Variants in NNT observed in about 807,000 individuals in gnomAD.
The protein encoded by NNT is NAD(P) transhydrogenase, mitochondrial.
NNT carries 50 observed loss-of-function variants against 104.8 expected under a neutral mutation model. That is an observed-to-expected ratio of 0.48 (90% CI 0.38 to 0.60). The LOEUF is 0.60. Among genes scored for constraint, NNT ranks in the 20% least tolerant of loss-of-function variants. The pLI is 0.00. For synonymous variants in NNT, 461 were observed against 490.4 expected, an observed-to-expected ratio of 0.94 and a Z score of 0.79; for missense variants, 1,131 against 1,330.7, an observed-to-expected ratio of 0.85 and a Z score of 2.33.
At chr5:43,677,843 A>G in intron 19 of NNT, 37 bp downstream of exon 19, 1 of 1,505,604 alleles carries the variant, frequency 6.6e-7, no homozygotes, top group South Asian at 1.1e-5. Flanking sequence ...CACTATGTGT[A>G]AAGATGTGTG....
At chr5:43,687,423 C>T (rs540906148) in intron 19 of NNT, among the ~76,000 whole-genome samples, 1 of 152,228 alleles carries the variant, frequency 6.6e-6, no homozygotes, top group East Asian at 1.9e-4. Context: ...TGAGCTTTGG[C>T]CATCAGTTCC....
At chr5:43,630,081 T>C (rs931809622) in intron 7 of NNT, among the ~76,000 whole-genome samples, 5 of 152,254 alleles carry the variant, frequency 3.3e-5, no homozygotes, top group African/African-American at 1.2e-4. Context: ...TCTGATGTTA[T>C]GTTCTAGAAT....
chr5:43,671,218 G>A (rs34087283), intron 17 of NNT, among the ~76,000 whole-genome samples: 2 of 152,226 alleles, frequency 1.3e-5, no homozygotes, highest in African/African-American at 4.8e-5. Context: ...GCACACTGAT[G>A]GGTCTTGACT....
At chr5:43,699,728 G>T (rs34435369) in intron 19 of NNT, among the ~76,000 whole-genome samples, 1 of 152,186 alleles carries the variant, frequency 6.6e-6, no homozygotes, top group African/African-American at 2.4e-5. Context: ...TTGATTTTTC[G>T]TGGGAAACAT....
At chr5:43,694,760 G>GTGTA (rs1228892087) in intron 19 of NNT, among the ~76,000 whole-genome samples, 1 of 151,616 alleles carries the variant, frequency 6.6e-6, no homozygotes, top group Non-Finnish European at 1.5e-5. Flanking sequence ...GTGTGTGTGT[G>GTGTA]TGTGTGTGTG....
At chr5:43,611,422 T>C (rs192362638) in intron 2 of NNT, among the ~76,000 whole-genome samples, 2 of 152,318 alleles carry the variant, frequency 1.3e-5, no homozygotes, top group African/African-American at 4.8e-5. Context: ...TCATCTTTGG[T>C]AGCTTCCTTG....
At chr5:43,691,057 ATTTT>A (rs1169709029) in intron 19 of NNT, among the ~76,000 whole-genome samples, 1 of 143,978 alleles carries the variant, frequency 6.9e-6, no homozygotes, top group African/African-American at 2.7e-5. Context: ...CTGATCCAGA[ATTTT>A]TTTGAGAGAG....
At chr5:43,644,527 G>A (rs1751398523) in intron 8 of NNT, 84 bp from the exon 9 acceptor site, 24 of 1,248,148 alleles carry the variant, frequency 1.9e-5, no homozygotes, top group Middle Eastern at 1.9e-4. Flanking sequence ...ACAAAACTTA[G>A]CATTGAATAT....
chr5:43,609,221 T>C lies in NNT; in HGVS notation c.26T>C (p.Val9Ala), dbSNP rs760319834. The change falls in exon 2 of 22, where the codon GTG becomes GCG. Residue 9 changes from valine (V) to alanine (A), a missense_variant. Physicochemically the swap from Val to Ala is moderately conservative, Grantham distance 64. Transcript: ENST00000344920. The stretch of plus-strand genomic sequence containing the variant: ...ATGGCAAACCTATTGAAAACAGTGG[T>C]GACTGGCTGCTCGTGTCCTCTACTT... MANLLKTV[V>A]TGCSCPLLSN... 6.2e-7 allele frequency: 1 copy of C among 1,614,018 alleles called. No individual in the cohort carries two copies.
chr5:43,645,612 TAG>T, intron 10 of NNT, 102 bp downstream of exon 10: 1 of 492,090 alleles, frequency 2.0e-6, no homozygotes, highest in South Asian at 8.4e-5. Flanking sequence ...TACGTATATA[TAG>T]ATATATATAC....
chr5:43,681,713 T>C (rs2112134638), intron 19 of NNT, among the ~76,000 whole-genome samples: 1 of 152,342 alleles, frequency 6.6e-6, no homozygotes, highest in East Asian at 1.9e-4. Flanking sequence ...ACTTCTTTGA[T>C]TGACTAGCTG....
intron 10 of NNT, among the ~76,000 whole-genome samples, chr5:43,646,320 T>G (rs13189630): frequency 1.3e-5 from 2 of 152,130 alleles, no homozygotes; most frequent in Non-Finnish European, 2.9e-5. Flanking sequence ...GAATCTTTTT[T>G]TGTTGCTCAG....
Position 43,659,282 on chromosome 5 carries a change from A to G in NNT, c.2566A>G (p.Asn856Asp). The G allele has an allele frequency of 6.2e-7, 1 of 1,613,960 alleles. No homozygotes were observed. The highest frequency in any genetic ancestry group is 8.5e-7 in the Non-Finnish European group (1 of 1,179,994). ...TGCAGAGGGCTTCCTGCTCAACAAC[A>G]ATCTGCTGACCATCGTGGGTGCACT... ...LCAEGFLLNN[N>D]LLTIVGALIG... Residue 856 changes from asparagine to aspartate, a missense_variant, in exon 17 of 22, where the codon AAT (asparagine) becomes GAT (aspartate). Coordinates refer to ENST00000344920, the MANE Select transcript of NNT (RefSeq NM_182977.3).
intron 17 of NNT, among the ~76,000 whole-genome samples, chr5:43,674,275 C>G (rs1211831850): frequency 1.3e-5 from 2 of 152,094 alleles, no homozygotes; most frequent in Non-Finnish European, 2.9e-5. Context: ...TGGCTTCTTG[C>G]TTATCTTCTG....
At position 43,672,782 on chromosome 5, in the gene NNT, G is replaced by T. The variant is rs1741192083; in HGVS notation, c.2635-2729G>T. Among the ~76,000 whole-genome samples the T allele has an allele frequency of 2.6e-5, 4 of 152,366 alleles. 1 individual carries two copies. In the South Asian group the frequency reaches 8.3e-4, roughly 32 times the overall value. ...TCCGTTTTCAGATCTCAAACTCCAT[G>T]CTGGGAGAACCACTACTCTCTTCAA... is the stretch of plus-strand genomic sequence containing the variant. On this transcript the variant is annotated intron_variant, in intron 17 of 21. Transcript: ENST00000344920.
rs750730374 is a variant in NNT, at chr5:43,704,422, G to T, written c.*18G>T. The T allele has an allele frequency of 2.5e-6, 4 of 1,612,632 alleles. No individual in the cohort carries two copies. In the South Asian group the frequency reaches 3.3e-5, roughly 13 times the overall value. ...AGAAGTAAATATTAAGGATCAAGCT[G>T]TTAGCTAATAATGCCACCTCTGCAG... is the stretch of plus-strand genomic sequence containing the variant. On this transcript the variant is annotated 3_prime_UTR_variant, in exon 22 of 22. Transcript: ENST00000344920.
intron 3 of NNT, among the ~76,000 whole-genome samples, chr5:43,614,535 C>A (rs1217854240): frequency 6.6e-6 from 1 of 152,086 alleles, no homozygotes; most frequent in Non-Finnish European, 1.5e-5. Flanking sequence ...TGTCAGAGAG[C>A]CTTAATTAAA....
At chr5:43,620,429 C>T (rs923007258) in intron 5 of NNT, among the ~76,000 whole-genome samples, 2 of 151,882 alleles carry the variant, frequency 1.3e-5, no homozygotes, top group African/African-American at 2.4e-5. Context: ...ACCATGTTGG[C>T]GAGGATGGTC....
intron 17 of NNT, among the ~76,000 whole-genome samples, chr5:43,664,770 C>T (rs906163468): frequency 6.6e-6 from 1 of 152,102 alleles, no homozygotes; most frequent in Non-Finnish European, 1.5e-5. Flanking sequence ...AGAACCAAAA[C>T]AAAACCATAA....
Sources: gnomAD v4.1 joint callset for allele counts (sites outside exome capture counted in the v4.1 genomes callset) on GRCh38, gnomAD v4.1.1 for gene constraint, MANE v1.5 for transcripts, NCBI Gene and HGNC (gene_info 2026-07-23, HGNC 2026-07-21) for gene names.